The following COMMD10 variants were observed in gnomAD, a reference collection of about 807,000 sequenced individuals.
The protein encoded by COMMD10 is COMM domain-containing protein 10.
A neutral mutation model predicts 28.9 loss-of-function variants in COMMD10; 33 were observed. That is an observed-to-expected ratio of 1.14 (90% CI 0.87 to 1.53). COMMD10 has a LOEUF of 1.53. Among genes scored for constraint, COMMD10 ranks in the 40% most tolerant of loss-of-function variants. The probability of loss-of-function intolerance (pLI) is 0.00; values close to 1 mark genes in which losing one functional copy is unlikely to be tolerated. For missense variants in COMMD10, 310 were observed against 233.4 expected (o/e 1.33, Z -2.14); for synonymous variants, 110 against 81.7 (o/e 1.35, Z -1.87).
At chr5:116,125,400 A>G (rs1194310841) in intron 4 of COMMD10, among the ~76,000 whole-genome samples, 2 of 152,082 alleles carry the variant, frequency 1.3e-5, no homozygotes, top group Non-Finnish European at 2.9e-5. Context: ...TGGCTTGTAG[A>G]GTTTCTACTG....
intron 5 of COMMD10, among the ~76,000 whole-genome samples, chr5:116,138,049 A>C (rs1267623407): frequency 6.6e-6 from 1 of 151,916 alleles, no homozygotes; most frequent in African/African-American, 2.4e-5. Flanking sequence ...AACATTCAAA[A>C]TAATTTGTGA....
At chr5:116,125,177 T>C (rs1751582424) in intron 4 of COMMD10, among the ~76,000 whole-genome samples, 1 of 152,226 alleles carries the variant, frequency 6.6e-6, no homozygotes, top group Non-Finnish European at 1.5e-5. Context: ...GGCATGTTTT[T>C]GCAGTGGCTG....
intron 4 of COMMD10, among the ~76,000 whole-genome samples, chr5:116,108,874 A>G (rs1750938409): frequency 1.3e-5 from 2 of 152,106 alleles, no homozygotes; most frequent in South Asian, 4.2e-4. Context: ...GACCGTGGGA[A>G]AAGCACAGTT....
At chr5:116,193,162 T>C (rs191713490) in intron 5 of COMMD10, among the ~76,000 whole-genome samples, 1 of 152,116 alleles carries the variant, frequency 6.6e-6, no homozygotes, top group African/African-American at 2.4e-5. Flanking sequence ...TAAAAGGAGG[T>C]CTAAATCTTG....
chr5:116,291,921 G>A (rs1020908084), intron 6 of COMMD10, among the ~76,000 whole-genome samples: 10 of 151,962 alleles, frequency 6.6e-5, no homozygotes, highest in Admixed American at 2.0e-4. Context: ...AGGGAAACAT[G>A]CCTTTAGAGA....
At chr5:116,276,638 C>A (rs974700492) in intron 5 of COMMD10, among the ~76,000 whole-genome samples, 7 of 151,886 alleles carry the variant, frequency 4.6e-5, no homozygotes, top group Middle Eastern at 3.4e-3. Flanking sequence ...ATTTTAAAAT[C>A]TAACCTTAAT....
In COMMD10 at chr5:116,106,377, A is replaced by G. The variant is rs149732738; in HGVS notation, c.399+13677A>G. Among the ~76,000 whole-genome samples, 1,083 of 152,120 alleles carry G rather than the reference A, an allele frequency of 7.1e-3. 14 individuals are homozygous for G. Among genetic ancestry groups the G allele is most frequent in the African/African-American group, 0.025 (1,039 of 41,518 alleles). On this transcript the variant is annotated intron_variant, in intron 4 of 6. Transcript: ENST00000274458. Reference sequence around the variant, plus strand: ...TTATTAATGATTTCTGTTCTTTTGCATTTGCTGAGGAGTGTTTTACTTCCA... The same window carrying G: ...TTATTAATGATTTCTGTTCTTTTGCGTTTGCTGAGGAGTGTTTTACTTCCA...
intron 5 of COMMD10, among the ~76,000 whole-genome samples, chr5:116,280,185 A>G (rs1580608062): frequency 1.3e-5 from 2 of 152,014 alleles, no homozygotes; most frequent in South Asian, 4.1e-4. Context: ...GGTTCTACCT[A>G]CTTCCATTCA....
At chr5:116,243,718 C>T (rs1216909934) in intron 5 of COMMD10, among the ~76,000 whole-genome samples, 1 of 152,142 alleles carries the variant, frequency 6.6e-6, no homozygotes, top group Non-Finnish European at 1.5e-5. Context: ...ACAGCACTAA[C>T]ACCTACCACC....
chr5:116,092,632 A>G lies in COMMD10; in HGVS notation c.331A>G (p.Asn111Asp), dbSNP rs201107215. The G allele has an allele frequency of 1.9e-6, 3 of 1,612,250 alleles. No homozygotes were observed. The highest frequency in any genetic ancestry group is 4.5e-5 in the East Asian group (2 of 44,838). Reference sequence around the variant, plus strand: ...ACAAGACAAAGCTGAAGCATTTGTCAATACGTGGTCTTCTATGGGTCAAGA... The same window carrying G: ...ACAAGACAAAGCTGAAGCATTTGTCGATACGTGGTCTTCTATGGGTCAAGA... ...LRQDKAEAFV[N>D]TWSSMGQETV... The change falls in exon 4 of 7, where the codon AAT becomes GAT. Residue 111 changes from asparagine (N) to aspartate (D), a missense_variant. By Grantham distance (23) the Asn-to-Asp change is conservative. Coordinates refer to ENST00000274458, the MANE Select transcript of COMMD10 (RefSeq NM_016144.4).
chr5:116,188,498 A>G (rs1748219278), intron 5 of COMMD10: 1 of 152,108 alleles, frequency 6.6e-6, no homozygotes, highest in South Asian at 2.1e-4. Context: ...GGCCATGCTA[A>G]TCTTCCCTTT....
At chr5:116,292,187 A>G (rs1751381989) in intron 6 of COMMD10, among the ~76,000 whole-genome samples, 1 of 152,102 alleles carries the variant, frequency 6.6e-6, no homozygotes, top group South Asian at 2.1e-4. Flanking sequence ...AAAAGGAAAC[A>G]GCTGAAGACA....
chr5:116,136,336 T>C (rs1282116565), intron 5 of COMMD10, among the ~76,000 whole-genome samples: 12 of 152,208 alleles, frequency 7.9e-5, no homozygotes, highest in Admixed American at 7.9e-4. Flanking sequence ...ACTGGAGCTA[T>C]TCCATGAGTG....
rs756719983 is a variant in COMMD10 at position 116,239,137 on chromosome 5, T to A, written c.511-52380T>A. On this transcript the variant is annotated intron_variant, in intron 5 of 6. Coordinates refer to ENST00000274458, the MANE Select transcript of COMMD10 (RefSeq NM_016144.4). ...TTGCCAATCGCAAATTTATACTCAA[T>A]TTAAACCATGGCTTTTAACAAAATT... 1.2e-4 allele frequency among the ~76,000 whole-genome samples: 19 copies of A among 152,190 alleles called. 1 individual carries two copies. Among genetic ancestry groups the A allele is most frequent in the Non-Finnish European group, 2.5e-4 (17 of 68,032 alleles).
intron 4 of COMMD10, among the ~76,000 whole-genome samples, chr5:116,093,315 C>T (rs965743227): frequency 6.6e-6 from 1 of 152,130 alleles, no homozygotes; most frequent in Non-Finnish European, 1.5e-5. Context: ...AATAAAACAT[C>T]TAAAAGAGAA....
intron 5 of COMMD10, among the ~76,000 whole-genome samples, chr5:116,250,289 G>T (rs139303431): frequency 1.3e-5 from 2 of 151,622 alleles, no homozygotes; most frequent in South Asian, 4.2e-4. Context: ...TATGCATTTG[G>T]TATAGTAATA....
chr5:116,203,012 G>C (rs1228918697), intron 5 of COMMD10, among the ~76,000 whole-genome samples: 1 of 151,638 alleles, frequency 6.6e-6, no homozygotes, highest in African/African-American at 2.4e-5. Context: ...GGGTTTTTAT[G>C]GTTTTAGGTC....
chr5:116,165,658 G>C (rs1192819712), intron 5 of COMMD10, among the ~76,000 whole-genome samples: 2 of 151,944 alleles, frequency 1.3e-5, no homozygotes, highest in Admixed American at 1.3e-4. Flanking sequence ...GCACAGGGCT[G>C]GTAGAGAGTG....
chr5:116,255,863 C>G (rs1479353045), intron 5 of COMMD10: 1 of 151,218 alleles, frequency 6.6e-6, no homozygotes, highest in African/African-American at 2.4e-5. Context: ...AAATGTTAGT[C>G]TCATTAAGTA....
Sources: allele counts gnomAD v4.1 joint callset (sites outside exome capture counted in the v4.1 genomes callset), GRCh38; gene constraint gnomAD v4.1.1; transcripts MANE v1.5; gene names NCBI Gene and HGNC (gene_info 2026-07-23, HGNC 2026-07-21).